The following CUEDC1 variants were observed in gnomAD, a reference collection of about 807,000 sequenced individuals.
CUEDC1 encodes the protein CUE domain-containing protein 1.
CUEDC1 carries 30 observed loss-of-function variants against 43.7 expected under a neutral mutation model. The ratio of observed to expected loss-of-function variants is 0.69; its 90% CI spans 0.51 to 0.93. The LOEUF is 0.93. Among genes scored for constraint, CUEDC1 ranks in the 40% least tolerant of loss-of-function variants. The probability of loss-of-function intolerance (pLI) is 0.00; values close to 1 mark genes in which losing one functional copy is unlikely to be tolerated. For synonymous variants in CUEDC1, 223 were observed against 223.6 expected, an observed-to-expected ratio of 1.00 and a Z score of 0.02; for missense variants, 486 against 549.0, an observed-to-expected ratio of 0.89 and a Z score of 1.15.
rs547617500 is a variant in CUEDC1, at chr17:57,919,227, T to C, written c.-315-33348A>G. ...GGAGTTCTGCTCTTGTCATCCAGGC[T>C]GGAGTACAATGGCGCGATCTCGGCT... On this transcript the variant is annotated intron_variant, in intron 1 of 10. Transcript: ENST00000577830. 6.6e-5 allele frequency among the ~76,000 whole-genome samples: 10 copies of C among 152,164 alleles called. No individual in the cohort carries two copies. In the South Asian group the frequency reaches 2.1e-3, roughly 32 times the overall value.
intron 1 of CUEDC1, among the ~76,000 whole-genome samples, chr17:57,907,209 A>G (rs529808654): frequency 1.9e-4 from 29 of 152,298 alleles, no homozygotes; most frequent in Admixed American, 1.8e-3. Context: ...ACAGCACTGC[A>G]GGGATACTTT....
chr17:57,900,224 T>C (rs1297833850), intron 1 of CUEDC1, among the ~76,000 whole-genome samples: 1 of 152,150 alleles, frequency 6.6e-6, no homozygotes, highest in Non-Finnish European at 1.5e-5. Context: ...GGCCTCAATC[T>C]CTACTTCTAG....
intron 1 of CUEDC1, chr17:57,892,443 C>A (rs1052098245): frequency 6.6e-6 from 1 of 152,346 alleles, no homozygotes; most frequent in Non-Finnish European, 1.5e-5. Flanking sequence ...TTGCCAGCAC[C>A]TTCCTGTGTC....
At chr17:57,938,656 T>G (rs1222690097) in intron 1 of CUEDC1, among the ~76,000 whole-genome samples, 1 of 151,422 alleles carries the variant, frequency 6.6e-6, no homozygotes, top group Non-Finnish European at 1.5e-5. Flanking sequence ...TATTTATTTA[T>G]TATTTATTTA....
intron 10 of CUEDC1, among the ~76,000 whole-genome samples, chr17:57,864,838 G>A (rs1273549110): frequency 6.6e-6 from 1 of 152,158 alleles, no homozygotes; most frequent in African/African-American, 2.4e-5. Flanking sequence ...CAGGTCACCT[G>A]GGGTCAGATG....
intron 1 of CUEDC1, among the ~76,000 whole-genome samples, chr17:57,905,331 C>T (rs1597999210): frequency 6.6e-6 from 1 of 152,010 alleles, no homozygotes; most frequent in East Asian, 1.9e-4. Context: ...CTCTAAGTCA[C>T]TCTGGTATTC....
At chr17:57,949,691 G>A (rs1033184953) in intron 1 of CUEDC1, among the ~76,000 whole-genome samples, 6 of 145,400 alleles carry the variant, frequency 4.1e-5, no homozygotes, top group Non-Finnish European at 7.5e-5. Flanking sequence ...TCCCACCTAC[G>A]CCTCCTGAGT....
chr17:57,923,946 A>T (rs990361633), intron 1 of CUEDC1, among the ~76,000 whole-genome samples: 33 of 152,172 alleles, frequency 2.2e-4, no homozygotes, highest in African/African-American at 6.3e-4. Context: ...AGAGCCAGAA[A>T]TGTAACTAAA....
At chr17:57,900,152 A>G (rs2145002335) in intron 1 of CUEDC1, among the ~76,000 whole-genome samples, 1 of 152,108 alleles carries the variant, frequency 6.6e-6, no homozygotes, top group East Asian at 1.9e-4. Flanking sequence ...AAATCTAACA[A>G]TCAGGGGAAG....
chr17:57,939,107 A>G (rs773194927), intron 1 of CUEDC1, among the ~76,000 whole-genome samples: 6 of 151,638 alleles, frequency 4.0e-5, no homozygotes, highest in Non-Finnish European at 7.4e-5. Context: ...AGCTGGGACT[A>G]CAGGAGTGTG....
intron 1 of CUEDC1, among the ~76,000 whole-genome samples, chr17:57,914,730 G>T (rs937086494): frequency 6.6e-6 from 1 of 152,186 alleles, no homozygotes; most frequent in Non-Finnish European, 1.5e-5. Context: ...AGAAACAGAG[G>T]GATGTGGCCT....
At chr17:57,896,877 C>T (rs1487806914) in intron 1 of CUEDC1, among the ~76,000 whole-genome samples, 1 of 141,764 alleles carries the variant, frequency 7.1e-6, no homozygotes, top group Non-Finnish European at 1.5e-5. Context: ...TCAAGTGATT[C>T]TCCTGCCTCA....
At chr17:57,921,510 G>C (rs138714273) in intron 1 of CUEDC1, among the ~76,000 whole-genome samples, 2 of 152,136 alleles carry the variant, frequency 1.3e-5, no homozygotes, top group Non-Finnish European at 2.9e-5. Flanking sequence ...ATCCTTATTC[G>C]AACTTAGAAG....
Position 57,898,641 on chromosome 17 carries a change from G to A in CUEDC1, c.-315-12762C>T, listed in dbSNP as rs73314245. On this transcript the variant is annotated intron_variant, in intron 1 of 10. Coordinates refer to ENST00000577830, the MANE Select transcript of CUEDC1 (RefSeq NM_001271875.2). ...GCTGTTAGTAAGACTCTATGAGCAC[G>A]GGCCATTCACACCCCAAGGCCACAT... Among the ~76,000 whole-genome samples, 972 of 152,266 alleles carry A rather than the reference G, an allele frequency of 6.4e-3. 8 individuals are homozygous for A. Among genetic ancestry groups the A allele is most frequent in the African/African-American group, 0.022 (926 of 41,532 alleles).
At position 57,870,464 on chromosome 17, in the gene CUEDC1, G is replaced by C. The variant is rs147755506; in HGVS notation, c.868+822C>G. Among the ~76,000 whole-genome samples the C allele has an allele frequency of 3.8e-3, 580 of 152,340 alleles. 3 individuals are homozygous for C. Among genetic ancestry groups the C allele is most frequent in the African/African-American group, 0.013 (542 of 41,570 alleles). ...CCCAACAGATGGCAGATATTCTCCA[G>C]CTATGTCATGAATGAATGAGTAAAC... On this transcript the variant is annotated intron_variant, in intron 6 of 10. Transcript: ENST00000577830.
At chr17:57,932,281 CAAAAA>C (rs56137797) in intron 1 of CUEDC1, among the ~76,000 whole-genome samples, 12 of 121,946 alleles carry the variant, frequency 9.8e-5, no homozygotes, top group African/African-American at 5.3e-4. Flanking sequence ...CACTGTGTCT[CAAAAA>C]AAAAAAAAAA....
At position 57,910,392 on chromosome 17, in the gene CUEDC1, C is replaced by G. The variant is rs151083874; in HGVS notation, c.-315-24513G>C. Among the ~76,000 whole-genome samples the G allele has an allele frequency of 3.5e-3, 538 of 151,878 alleles. 7 individuals are homozygous for G. Among genetic ancestry groups the G allele is most frequent in the Non-Finnish European group, 5.1e-3 (346 of 67,972 alleles). On this transcript the variant is annotated intron_variant, in intron 1 of 10. Transcript: ENST00000577830. ...AAAGAATACAAGATGCAAATGAGCA[C>G]AGAATACAAATTAACATATATATGT...
rs1045437551 is a variant in CUEDC1, at chr17:57,872,811, T to G, written c.636A>C (p.Pro212=). The G allele has an allele frequency of 7.4e-6, 12 of 1,613,922 alleles. No individual in the cohort carries two copies. The highest frequency in any genetic ancestry group is 1.0e-5 in the Non-Finnish European group (12 of 1,180,002). The change falls in exon 5 of 11, where the codon CCA becomes CCC. Residue 212 remains proline (P), a synonymous_variant. Coordinates refer to ENST00000577830, the MANE Select transcript of CUEDC1 (RefSeq NM_001271875.2). ...GPKPGSGEGC[P]PAMAGPGPGD... ...CGGGCCCTGGCCCAGCCATGGCAGG[T>G]GGACATCCCTCTCCACTCCCAGGCT...
chr17:57,945,015 C>T (rs2074948186), intron 1 of CUEDC1, among the ~76,000 whole-genome samples: 1 of 152,198 alleles, frequency 6.6e-6, no homozygotes, highest in Non-Finnish European at 1.5e-5. Context: ...AAAAACGGCT[C>T]CCTTGGGAGG....
Sources: gnomAD v4.1 joint callset for allele counts (sites outside exome capture counted in the v4.1 genomes callset) on GRCh38, gnomAD v4.1.1 for gene constraint, MANE v1.5 for transcripts, NCBI Gene and HGNC (gene_info 2026-07-23, HGNC 2026-07-21) for gene names.